The following DPT variants were observed in gnomAD, a reference collection of about 807,000 sequenced individuals.
DPT encodes the protein dermatopontin.
Under a neutral mutation model 31.2 loss-of-function variants are expected in DPT, and 21 were observed. The observed-to-expected ratio is 0.67, with a 90% CI of 0.48 to 0.97. DPT has a LOEUF of 0.97. Ranked by LOEUF, DPT falls within the 50% of genes least tolerant of loss-of-function variation. The pLI, the probability that DPT is intolerant of heterozygous loss-of-function variation, is 0.00. For synonymous variants in DPT, 91 were observed against 86.9 expected (o/e 1.05, Z -0.26); for missense variants, 262 against 258.8 (o/e 1.01, Z -0.08).
At chr1:168,727,454 G>C (rs1650273970) in intron 1 of DPT, among the ~76,000 whole-genome samples, 1 of 152,020 alleles carries the variant, frequency 6.6e-6, no homozygotes, top group African/African-American at 2.4e-5. Context: ...CCACCCATCG[G>C]TGTTTCTTCC....
At chr1:168,704,092 G>GT (rs1265100244) in intron 2 of DPT, among the ~76,000 whole-genome samples, 2 of 152,240 alleles carry the variant, frequency 1.3e-5, no homozygotes, top group African/African-American at 4.8e-5. Flanking sequence ...AATGATCAGG[G>GT]TTTCCTAAGC....
chr1:168,707,080 C>T (rs1649735029), intron 2 of DPT, among the ~76,000 whole-genome samples: 1 of 152,152 alleles, frequency 6.6e-6, no homozygotes, highest in Non-Finnish European at 1.5e-5. Context: ...ATGCAAAGAG[C>T]ATGGGATTTG....
At chr1:168,722,751 T>G (rs745523417) in intron 1 of DPT, among the ~76,000 whole-genome samples, 6 of 152,112 alleles carry the variant, frequency 3.9e-5, no homozygotes, top group Non-Finnish European at 8.8e-5. Context: ...TGAGACGACT[T>G]GAGTAAAGGT....
chr1:168,702,968 T>C (rs916976571), intron 2 of DPT, among the ~76,000 whole-genome samples: 1 of 152,196 alleles, frequency 6.6e-6, no homozygotes, highest in Non-Finnish European at 1.5e-5. Flanking sequence ...CACTGATTTA[T>C]GATCCATGAG....
intron 1 of DPT, among the ~76,000 whole-genome samples, chr1:168,715,559 GAT>G (rs1649963718): frequency 6.6e-6 from 1 of 151,834 alleles, no homozygotes; most frequent in Non-Finnish European, 1.5e-5. Flanking sequence ...TAAAATAAAA[GAT>G]ATTATAATTC....
At chr1:168,728,169 A>G (rs1242369538) in intron 1 of DPT, among the ~76,000 whole-genome samples, 1 of 152,238 alleles carries the variant, frequency 6.6e-6, no homozygotes, top group East Asian at 1.9e-4. Flanking sequence ...TCAGGGGAAG[A>G]CAGCACCTCT....
chr1:168,726,473 A>C (rs1650243936), intron 1 of DPT, among the ~76,000 whole-genome samples: 1 of 152,230 alleles, frequency 6.6e-6, no homozygotes, highest in African/African-American at 2.4e-5. Flanking sequence ...AGCTCTGTGG[A>C]GCCTTCAGAG....
At chr1:168,721,723 G>A (rs1291666896) in intron 1 of DPT, among the ~76,000 whole-genome samples, 1 of 152,134 alleles carries the variant, frequency 6.6e-6, no homozygotes, top group African/African-American at 2.4e-5. Context: ...AACACATACT[G>A]TCACTGAGTA....
At chr1:168,709,740 C>A (rs1649809076) in intron 2 of DPT, among the ~76,000 whole-genome samples, 1 of 152,198 alleles carries the variant, frequency 6.6e-6, no homozygotes, top group Non-Finnish European at 1.5e-5. Flanking sequence ...CGTTCCCACC[C>A]ACATGGGTCC....
intron 2 of DPT, among the ~76,000 whole-genome samples, chr1:168,710,981 T>A (rs1044477534): frequency 2.0e-5 from 3 of 151,932 alleles, no homozygotes; most frequent in Non-Finnish European, 4.4e-5. Flanking sequence ...CCCCTATTTC[T>A]TCTGTTTGAC....
intron 2 of DPT, among the ~76,000 whole-genome samples, chr1:168,705,666 C>G (rs1204102038): frequency 6.6e-6 from 1 of 152,176 alleles, no homozygotes; most frequent in Non-Finnish European, 1.5e-5. Flanking sequence ...TTCTGTTTTT[C>G]TTCTATTTCT....
rs1649664876 is a variant in DPT at position 168,704,200 on chromosome 1, G to GT, written c.432-3077dup. On this transcript the variant is annotated intron_variant, in intron 2 of 3. Coordinates refer to ENST00000367817, the MANE Select transcript of DPT (RefSeq NM_001937.5). ...GTGAATTACTAGGTCACTTTAAGCAGTTTTTTGGAAAAACACACTTCATAC... is the reference window on the plus strand; with the variant it reads ...GTGAATTACTAGGTCACTTTAAGCAGTTTTTTTGGAAAAACACACTTCATAC... Among the ~76,000 whole-genome samples, 3 of 152,250 alleles carry GT rather than the reference G, an allele frequency of 2.0e-5. No individual in the cohort carries two copies. In the South Asian group the frequency reaches 6.2e-4, roughly 32 times the overall value.
At chr1:168,713,541 C>G (rs1272867472) in intron 2 of DPT, among the ~76,000 whole-genome samples, 2 of 152,124 alleles carry the variant, frequency 1.3e-5, no homozygotes, top group African/African-American at 4.8e-5. Context: ...ATTAAAAAAA[C>G]CTGGGCCGGT....
At chr1:168,724,054 C>A (rs1434648244) in intron 1 of DPT, among the ~76,000 whole-genome samples, 1 of 152,176 alleles carries the variant, frequency 6.6e-6, no homozygotes, top group Admixed American at 6.5e-5. Context: ...TACTGTGCAG[C>A]ATTTAGCCCT....
intron 1 of DPT, among the ~76,000 whole-genome samples, chr1:168,716,968 G>C (rs1382027461): frequency 6.6e-6 from 1 of 152,150 alleles, no homozygotes; most frequent in Non-Finnish European, 1.5e-5. Context: ...TGGGCATTTG[G>C]GTTGGTTCCA....
At chr1:168,703,106 G>A (rs540183882) in intron 2 of DPT, among the ~76,000 whole-genome samples, 3 of 152,072 alleles carry the variant, frequency 2.0e-5, no homozygotes, top group Non-Finnish European at 4.4e-5. Context: ...TTACTTCAGG[G>A]AACAAAAAAT....
chr1:168,722,574 G>A (rs1650141891), intron 1 of DPT, among the ~76,000 whole-genome samples: 1 of 152,180 alleles, frequency 6.6e-6, no homozygotes, highest in Non-Finnish European at 1.5e-5. Flanking sequence ...CAAATAATGA[G>A]CTTCTCACCA....
intron 1 of DPT, among the ~76,000 whole-genome samples, chr1:168,723,391 CTG>C (rs1307213220): frequency 2.0e-5 from 3 of 152,194 alleles, no homozygotes; most frequent in African/African-American, 7.2e-5. Flanking sequence ...TGGGCATAGA[CTG>C]TATGTTATTC....
Position 168,728,961 on chromosome 1 carries a change from G to A in DPT, c.214C>T (p.Gln72Ter), listed in dbSNP as rs760259708. 6.2e-7 allele frequency: 1 copy of A among 1,614,190 alleles called. No homozygotes were observed. Among genetic ancestry groups the A allele is most frequent in the South Asian group, 1.1e-5 (1 of 91,080 alleles). Reference sequence around the variant, plus strand: ...GTGGGCATGCAGGCGTAGTTCCATTGTCTGTCAGAACCTTCCTTCTTGCTG... The same window carrying A: ...GTGGGCATGCAGGCGTAGTTCCATTATCTGTCAGAACCTTCCTTCTTGCTG... ...IFSKKEGSDR[Q>*]WNYACMPTPQ... The change falls in exon 1 of 4, where the codon CAA (glutamine) becomes TAA (stop). Residue 72 changes from glutamine to a stop codon, truncating the protein, a stop_gained. Coordinates refer to ENST00000367817, the MANE Select transcript of DPT (RefSeq NM_001937.5). LOFTEE classifies it high-confidence loss of function.
Sources: allele counts gnomAD v4.1 joint callset (sites outside exome capture counted in the v4.1 genomes callset), GRCh38; gene constraint gnomAD v4.1.1; transcripts MANE v1.5; gene names NCBI Gene and HGNC (gene_info 2026-07-23, HGNC 2026-07-21).